MCUR1: variants seen among roughly 807,000 people sequenced by gnomAD.
The protein encoded by MCUR1 is mitochondrial calcium uniporter regulator 1.
In MCUR1, 37 loss-of-function variants were observed where a neutral mutation model predicts 42.0. The observed-to-expected ratio is 0.88, with a 90% confidence interval of 0.68 to 1.16. MCUR1 has a LOEUF of 1.16. MCUR1 is among the 50% of genes most tolerant of loss of function. The probability of loss-of-function intolerance (pLI) is 0.00; values close to 1 mark genes in which losing one functional copy is unlikely to be tolerated. For synonymous variants in MCUR1, 229 were observed against 196.2 expected, an observed-to-expected ratio of 1.17 and a Z score of -1.40; for missense variants, 469 against 468.4, an observed-to-expected ratio of 1.00 and a Z score of -0.01.
intron 6 of MCUR1, among the ~76,000 whole-genome samples, chr6:13,797,483 C>T (rs560316185): frequency 5.3e-5 from 8 of 151,576 alleles, no homozygotes; most frequent in South Asian, 4.2e-4. Flanking sequence ...CCGAGGTGGG[C>T]GGATCACGAG....
chr6:13,798,886 G>A lies in MCUR1; in HGVS notation c.802C>T (p.Arg268Ter), dbSNP rs372193345. The A allele has an allele frequency of 2.4e-5, 38 of 1,607,006 alleles. No homozygotes were observed. In the Middle Eastern group the frequency reaches 8.3e-4, roughly 35 times the overall value. The change falls in exon 6 of 9, where the codon CGA becomes TGA. Residue 268 changes from arginine to a stop codon, truncating the protein, a stop_gained. Transcript: ENST00000379170. LOFTEE classifies it high-confidence loss of function. The part of the protein sequence containing the change: ...QQVMDEVIKV[R>*]TDTKLDFNLE... ...TTGAAGTCTAATTTGGTATCTGTTC[G>A]GACTTTGATCACTTCATCCTAAAAG...
chr6:13,807,481 C>T (rs1463905601), intron 1 of MCUR1, among the ~76,000 whole-genome samples: 2 of 152,164 alleles, frequency 1.3e-5, no homozygotes, highest in Admixed American at 6.5e-5. Flanking sequence ...TGTTGTAGCA[C>T]GTCAGTACTT....
intron 8 of MCUR1, among the ~76,000 whole-genome samples, chr6:13,791,112 C>G (rs1398047098): frequency 6.6e-6 from 1 of 152,100 alleles, no homozygotes; most frequent in Non-Finnish European, 1.5e-5. Flanking sequence ...ATGATTACAG[C>G]TCACTGTGCC....
At chr6:13,804,302 G>A (rs1479913055) in intron 2 of MCUR1, 1 of 102,730 alleles carries the variant, frequency 9.7e-6, no homozygotes, top group Non-Finnish European at 1.7e-5. Context: ...CAGCCTGGAT[G>A]AAAGAGTGAG....
chr6:13,799,930 C>A (rs986348502), intron 5 of MCUR1, among the ~76,000 whole-genome samples: 2 of 144,510 alleles, frequency 1.4e-5, no homozygotes, highest in Non-Finnish European at 3.0e-5. Flanking sequence ...TTCCTGGGTT[C>A]AAGTGATTCT....
intron 1 of MCUR1, among the ~76,000 whole-genome samples, chr6:13,808,702 A>G (rs1180066175): frequency 6.6e-6 from 1 of 152,118 alleles, no homozygotes; most frequent in Non-Finnish European, 1.5e-5. Context: ...GGTGTGTGGT[A>G]GTGGGTTCAG....
At chr6:13,792,069 C>T (rs758030121) in intron 7 of MCUR1, 77 bp from the exon 8 acceptor site, 87 of 1,089,928 alleles carry the variant, frequency 8.0e-5, no homozygotes, top group Non-Finnish European at 1.0e-4. Context: ...TCCTTCCCAA[C>T]GGGGTGCAGT....
chr6:13,805,424 A>C (rs1458444631), intron 2 of MCUR1, among the ~76,000 whole-genome samples: 1 of 152,230 alleles, frequency 6.6e-6, no homozygotes, highest in Non-Finnish European at 1.5e-5. Context: ...ACAGCATATG[A>C]CAGTTTTTCC....
chr6:13,804,440 T>C (rs1425866957), intron 2 of MCUR1: 1 of 150,926 alleles, frequency 6.6e-6, no homozygotes, highest in East Asian at 2.0e-4. Context: ...TAAAGCCATA[T>C]ACTTTATAAC....
Position 13,814,177 on chromosome 6 carries a change from G to T in MCUR1, c.253C>A (p.Pro85Thr). The change falls in exon 1 of 9, where the codon CCG becomes ACG. Residue 85 changes from proline (P) to threonine (T), a missense_variant. Transcript: ENST00000379170. ...TCCCAGTCCCCGAGCTGCCGGCGCG[G>T]GGCTGCGGCGGCCAAGCGCGGGGAG... ...VPSPRLAAAA[P>T]RRQLGDWERS... is the part of the protein sequence containing the mutation. 1 of 1,367,876 alleles carries T rather than the reference G, an allele frequency of 7.3e-7. No individual in the cohort carries two copies. The allele number at this position is 1,367,876 out of a possible 1,614,324, so 84.7% of individuals were successfully genotyped here.
chr6:13,810,505 A>T (rs183141959), intron 1 of MCUR1, among the ~76,000 whole-genome samples: 1 of 152,296 alleles, frequency 6.6e-6, no homozygotes, highest in Admixed American at 6.5e-5. Context: ...TCACCTGCCA[A>T]CTCAAAGGTC....
At chr6:13,802,936 T>A (rs2113469254) in intron 2 of MCUR1, among the ~76,000 whole-genome samples, 1 of 152,352 alleles carries the variant, frequency 6.6e-6, no homozygotes, top group Admixed American at 6.5e-5. Context: ...ACAAAATCAG[T>A]TCTTTCATTT....
chr6:13,789,782 G>A lies in MCUR1; in HGVS notation c.*1027C>T, dbSNP rs931258420. On this transcript the variant is annotated 3_prime_UTR_variant, in exon 9 of 9. Transcript: ENST00000379170. ...CTAGGTAGGTAATGCCACCAGTGGA[G>A]GATTATTACAGTTCTCAAATCATGA... is the stretch of plus-strand genomic sequence containing the variant. 1 of 152,196 alleles carries A rather than the reference G, an allele frequency of 6.6e-6. No individual in the cohort carries two copies. The highest frequency in any genetic ancestry group is 6.5e-5 in the Admixed American group (1 of 15,274). The allele number at this position is 152,196 out of a possible 1,614,324, so 9.4% of individuals were successfully genotyped here. A position where few individuals can be genotyped will look rare whatever the true frequency, so the allele number is the denominator to read the frequency against.
intron 2 of MCUR1, among the ~76,000 whole-genome samples, chr6:13,805,296 CA>C (rs1415814966): frequency 2.0e-5 from 3 of 152,052 alleles, no homozygotes; most frequent in African/African-American, 7.2e-5. Flanking sequence ...CTGGCCTTAT[CA>C]GCATAACTTT....
At chr6:13,807,963 G>A (rs1225493258) in intron 1 of MCUR1, among the ~76,000 whole-genome samples, 2 of 152,116 alleles carry the variant, frequency 1.3e-5, no homozygotes, top group South Asian at 2.1e-4. Flanking sequence ...GCTATGGTTT[G>A]AACGTGTTTC....
At chr6:13,800,201 T>C in intron 5 of MCUR1, 140 bp downstream of exon 5, 3 of 595,762 alleles carry the variant, frequency 5.0e-6, no homozygotes, top group Non-Finnish European at 5.9e-6. Context: ...AGCTAAATCT[T>C]CCAATGTGTA....
chr6:13,794,955 G>C lies in MCUR1; in HGVS notation c.856-1008C>G, dbSNP rs1270327483. Among the ~76,000 whole-genome samples, 3 of 152,178 alleles carry C rather than the reference G, an allele frequency of 2.0e-5. No homozygotes were observed. In the East Asian group the frequency reaches 5.8e-4, roughly 29 times the overall value. On this transcript the variant is annotated intron_variant, in intron 6 of 8. Coordinates refer to ENST00000379170, the MANE Select transcript of MCUR1 (RefSeq NM_001031713.4). ...GATTGAAATCAGACTTATCTCCTTA[G>C]TAGTGGGCAACAAGATTTAATTGAG...
intron 1 of MCUR1, among the ~76,000 whole-genome samples, chr6:13,812,751 T>C (rs968839494): frequency 6.6e-6 from 1 of 152,234 alleles, no homozygotes; most frequent in Admixed American, 6.5e-5. Context: ...GAAGAAAATA[T>C]GAAAAATGTG....
intron 2 of MCUR1, chr6:13,803,920 C>A: frequency 2.1e-6 from 2 of 971,198 alleles, no homozygotes; most frequent in Middle Eastern, 5.3e-4. Flanking sequence ...ATCTTTGAGC[C>A]CAGGAGTTCA....
Sources: gnomAD v4.1 joint callset for allele counts (sites outside exome capture counted in the v4.1 genomes callset) on GRCh38, gnomAD v4.1.1 for gene constraint, MANE v1.5 for transcripts, NCBI Gene and HGNC (gene_info 2026-07-23, HGNC 2026-07-21) for gene names.